TMOD1: variants seen among roughly 807,000 people sequenced by gnomAD.
TMOD1 encodes the protein tropomodulin 1.
TMOD1 carries 17 observed loss-of-function variants against 40.6 expected under a neutral mutation model. That is an observed-to-expected ratio of 0.42 (90% CI 0.29 to 0.63). The LOEUF is 0.63. Ranked by LOEUF, TMOD1 falls within the 20% of genes least tolerant of loss-of-function variation. The pLI is 0.22. For missense variants in TMOD1, 391 were observed against 447.6 expected, an observed-to-expected ratio of 0.87 and a Z score of 1.14; for synonymous variants, 181 against 175.0, an observed-to-expected ratio of 1.03 and a Z score of -0.27.
chr9:97,592,824 A>G (rs1826029042), intron 9 of TMOD1, among the ~76,000 whole-genome samples: 1 of 152,238 alleles, frequency 6.6e-6, no homozygotes, highest in Non-Finnish European at 1.5e-5. Flanking sequence ...GTCACAGCCC[A>G]GGAGCTATTC....
At chr9:97,570,434 C>T (rs1050663372) in intron 8 of TMOD1, among the ~76,000 whole-genome samples, 4 of 152,306 alleles carry the variant, frequency 2.6e-5, no homozygotes, top group East Asian at 1.9e-4. Flanking sequence ...CTGAGACCAG[C>T]GATGGCACAT....
intron 4 of TMOD1, 49 bp from the exon 5 acceptor site, chr9:97,562,683 C>T (rs750334878): frequency 1.4e-6 from 2 of 1,397,568 alleles, no homozygotes; most frequent in Admixed American, 5.7e-5. Context: ...CCCTAGGAGG[C>T]TCTTCTGTCT....
chr9:97,566,246 C>T (rs1048825817), intron 7 of TMOD1, among the ~76,000 whole-genome samples: 7 of 152,192 alleles, frequency 4.6e-5, no homozygotes, highest in Non-Finnish European at 4.4e-5. Context: ...CTTGTTTTGT[C>T]CAGTCACACA....
chr9:97,515,701 G>A (rs957908849), intron 1 of TMOD1, among the ~76,000 whole-genome samples: 2 of 152,148 alleles, frequency 1.3e-5, no homozygotes, highest in African/African-American at 4.8e-5. Context: ...CTTTCAGCAA[G>A]GCAGAGTGAG....
intron 8 of TMOD1, among the ~76,000 whole-genome samples, chr9:97,587,552 G>A (rs939790668): frequency 5.8e-5 from 8 of 137,482 alleles, no homozygotes; most frequent in East Asian, 2.3e-4. Flanking sequence ...TCCTTTCCCC[G>A]TTTTCTAATT....
At chr9:97,580,349 G>T (rs959225555) in intron 8 of TMOD1, among the ~76,000 whole-genome samples, 6 of 152,202 alleles carry the variant, frequency 3.9e-5, no homozygotes, top group Non-Finnish European at 7.3e-5. Context: ...GCTCACACCT[G>T]TAATCCCAGC....
At chr9:97,545,002 G>A (rs980844638) in intron 2 of TMOD1, among the ~76,000 whole-genome samples, 2 of 140,194 alleles carry the variant, frequency 1.4e-5, no homozygotes, top group Non-Finnish European at 3.0e-5. Context: ...CAGAGCGAGA[G>A]TCCATCTCAA....
chr9:97,579,034 C>T (rs1825681400), intron 8 of TMOD1, among the ~76,000 whole-genome samples: 1 of 152,146 alleles, frequency 6.6e-6, no homozygotes, highest in South Asian at 2.1e-4. Context: ...GCTGAGTCCT[C>T]CAAGGACCGA....
At chr9:97,571,596 C>A (rs910566326) in intron 8 of TMOD1, among the ~76,000 whole-genome samples, 2 of 152,218 alleles carry the variant, frequency 1.3e-5, no homozygotes, top group Non-Finnish European at 2.9e-5. Flanking sequence ...TTAATGTTCA[C>A]AAAGACTCTG....
At chr9:97,587,458 T>G (rs182868343) in intron 8 of TMOD1, among the ~76,000 whole-genome samples, 130 of 152,352 alleles carry the variant, frequency 8.5e-4, no homozygotes, top group African/African-American at 3.1e-3. Context: ...TGATTTGCAT[T>G]TCTGTGATAG....
At chr9:97,528,436 G>A (rs2131226514) in intron 2 of TMOD1, among the ~76,000 whole-genome samples, 1 of 152,294 alleles carries the variant, frequency 6.6e-6, no homozygotes, top group Non-Finnish European at 1.5e-5. Flanking sequence ...TCAGTTCAAA[G>A]AAAAGAGAAG....
chr9:97,591,542 G>A (rs1826002306), intron 9 of TMOD1, 107 bp downstream of exon 9: 2 of 1,345,056 alleles, frequency 1.5e-6, no homozygotes, highest in Non-Finnish European at 1.0e-6. Flanking sequence ...GTCTTCTTGA[G>A]CCTTGATTTT....
intron 9 of TMOD1, among the ~76,000 whole-genome samples, chr9:97,596,880 A>T (rs1235386396): frequency 6.6e-6 from 1 of 152,226 alleles, no homozygotes; most frequent in Non-Finnish European, 1.5e-5. Flanking sequence ...TATGCCTCTC[A>T]TACCTCAGAG....
Position 97,557,515 on chromosome 9 carries a change from G to GCCAC in TMOD1, c.397+4118_397+4121dup, listed in dbSNP as rs967874781. Among the ~76,000 whole-genome samples the GCCAC allele has an allele frequency of 2.4e-4, 36 of 152,300 alleles. No individual in the cohort carries two copies. Among genetic ancestry groups the GCCAC allele is most frequent in the African/African-American group, 8.4e-4 (35 of 41,578 alleles). ...AGCTATCAGAGACAGGCTTAGCCAG[G>GCCAC]CCACCCCCTGGCTTCTGGCTACTTC... On this transcript the variant is annotated intron_variant, in intron 4 of 9. Coordinates refer to ENST00000259365, the MANE Select transcript of TMOD1 (RefSeq NM_003275.4). This position sits in a 1 kb window ranked among gnomAD's most constrained non-coding sequence, Gnocchi z 4.4.
intron 4 of TMOD1, among the ~76,000 whole-genome samples, chr9:97,556,971 G>A (rs546305504): frequency 6.6e-6 from 1 of 152,108 alleles, no homozygotes; most frequent in African/African-American, 2.4e-5. Flanking sequence ...GCAAGCTCAG[G>A]TGTGCCCTCC....
At chr9:97,578,117 A>G (rs1053940694) in intron 8 of TMOD1, among the ~76,000 whole-genome samples, 2 of 152,134 alleles carry the variant, frequency 1.3e-5, no homozygotes, top group Non-Finnish European at 2.9e-5. Context: ...GTACAGTGGC[A>G]TGATCTCAGC....
intron 8 of TMOD1, among the ~76,000 whole-genome samples, chr9:97,588,204 A>G (rs1007084992): frequency 5.3e-5 from 8 of 152,328 alleles, no homozygotes; most frequent in African/African-American, 1.9e-4. Context: ...ACCATTTTAT[A>G]TTCCCACCAG....
chr9:97,581,042 G>C (rs932302311), intron 8 of TMOD1, among the ~76,000 whole-genome samples: 1 of 137,926 alleles, frequency 7.3e-6, no homozygotes, highest in African/African-American at 2.7e-5. Flanking sequence ...TGTGCACATT[G>C]TGCAGGTTAG....
intron 8 of TMOD1, among the ~76,000 whole-genome samples, chr9:97,584,279 A>G (rs1825820939): frequency 6.6e-6 from 1 of 152,192 alleles, no homozygotes; most frequent in African/African-American, 2.4e-5. Context: ...ATTCAGGAGC[A>G]GGTTGTTCAG....
Sources: allele counts gnomAD v4.1 joint callset (sites outside exome capture counted in the v4.1 genomes callset), GRCh38; gene constraint gnomAD v4.1.1; non-coding constraint Gnocchi (gnomAD v3.1); transcripts MANE v1.5; gene names NCBI Gene and HGNC (gene_info 2026-07-23, HGNC 2026-07-21).